CARMIL1: variants seen among roughly 807,000 people sequenced by gnomAD.
CARMIL1 encodes the protein capping protein regulator and myosin 1 linker 1, also known as F-actin-uncapping protein LRRC16A.
CARMIL1 carries 90 observed loss-of-function variants against 177.1 expected under a neutral mutation model. That is an observed-to-expected ratio of 0.51 (90% confidence interval 0.43 to 0.61). CARMIL1 has a LOEUF of 0.61. CARMIL1 is among the 20% of genes least tolerant of loss of function. CARMIL1 has a pLI of 0.00. For synonymous variants in CARMIL1, 577 were observed against 606.2 expected (o/e 0.95, Z 0.71); for missense variants, 1,380 against 1,667.0 (o/e 0.83, Z 3.00).
chr6:25,287,103 GA>G (rs1781573876), intron 2 of CARMIL1, among the ~76,000 whole-genome samples: 1 of 152,222 alleles, frequency 6.6e-6, no homozygotes, highest in African/African-American at 2.4e-5. Context: ...AGAACAAGAA[GA>G]TGTATGAAGT....
At chr6:25,349,046 G>A (rs1269936899) in intron 2 of CARMIL1, among the ~76,000 whole-genome samples, 2 of 152,182 alleles carry the variant, frequency 1.3e-5, no homozygotes, top group Non-Finnish European at 2.9e-5. Flanking sequence ...ACAGTAATTT[G>A]TATTAATTCC....
At chr6:25,462,288 G>A (rs1011239162) in intron 8 of CARMIL1, among the ~76,000 whole-genome samples, 3 of 151,972 alleles carry the variant, frequency 2.0e-5, no homozygotes, top group African/African-American at 7.3e-5. Context: ...TATAATATGT[G>A]TCTCATCCCA....
chr6:25,606,302 T>A (rs774176342), intron 35 of CARMIL1, 29 bp downstream of exon 35: 2 of 1,601,418 alleles, frequency 1.2e-6, no homozygotes, highest in Non-Finnish European at 1.7e-6. Flanking sequence ...GGGAGTTGCA[T>A]TGTGACCAGG....
At position 25,482,254 on chromosome 6, in the gene CARMIL1, C is replaced by T. The variant is rs1243242520; in HGVS notation, c.875-3C>T. Reference sequence around the variant, plus strand: ...TTCTAATCGCTTCTTTTTCCTTTCTCAGGTGTGTCCTCTTTAAGTATTCAA... The same window carrying T: ...TTCTAATCGCTTCTTTTTCCTTTCTTAGGTGTGTCCTCTTTAAGTATTCAA... On this transcript the variant is annotated splice_polypyrimidine_tract_variant and splice_region_variant and intron_variant, in intron 11 of 36. Transcript: ENST00000329474. 6 of 1,508,888 alleles carry T rather than the reference C, an allele frequency of 4.0e-6. No individual in the cohort carries two copies. The African/African-American group carries it at 4.2e-5, about 11-fold the overall frequency. The allele number at this position is 1,508,888 out of a possible 1,614,324, so 93.5% of individuals were successfully genotyped here.
At chr6:25,343,677 G>A (rs2150333381) in intron 2 of CARMIL1, among the ~76,000 whole-genome samples, 1 of 152,176 alleles carries the variant, frequency 6.6e-6, no homozygotes, top group East Asian at 1.9e-4. Context: ...GGGAACTCAT[G>A]AAGCCCCTTC....
chr6:25,339,137 T>C (rs890208201), intron 2 of CARMIL1, among the ~76,000 whole-genome samples: 1 of 152,218 alleles, frequency 6.6e-6, no homozygotes, highest in South Asian at 2.1e-4. Flanking sequence ...TTGTTACCTG[T>C]ATTATGGACA....
At chr6:25,465,697 T>C (rs1352522321) in intron 8 of CARMIL1, 176 bp from the exon 9 acceptor site, 2 of 571,258 alleles carry the variant, frequency 3.5e-6, no homozygotes, top group Non-Finnish European at 6.2e-6. Context: ...CTTCAACTTT[T>C]GGGAACTTTG....
intron 2 of CARMIL1, among the ~76,000 whole-genome samples, chr6:25,356,937 A>C (rs1335364408): frequency 6.6e-6 from 1 of 152,180 alleles, no homozygotes; most frequent in Non-Finnish European, 1.5e-5. Flanking sequence ...CAGAACCCTT[A>C]AACGGCAGCC....
chr6:25,405,004 G>A (rs1486232693), intron 2 of CARMIL1, among the ~76,000 whole-genome samples: 1 of 151,364 alleles, frequency 6.6e-6, no homozygotes, highest in African/African-American at 2.4e-5. Flanking sequence ...TGTAGCAGCA[G>A]CAGTGTTTAT....
intron 24 of CARMIL1, among the ~76,000 whole-genome samples, chr6:25,534,289 C>T (rs543933547): frequency 4.6e-5 from 7 of 152,024 alleles, no homozygotes; most frequent in South Asian, 4.2e-4. Flanking sequence ...GGGGAAATGA[C>T]GCTCTGTGCC....
chr6:25,594,635 C>G (rs571070246), intron 32 of CARMIL1, 108 bp downstream of exon 32: 1 of 670,080 alleles, frequency 1.5e-6, no homozygotes, highest in African/African-American at 1.8e-5. Context: ...ATGGAAATTA[C>G]TATTCTGACA....
chr6:25,579,024 A>G (rs889377116), intron 29 of CARMIL1, among the ~76,000 whole-genome samples: 15 of 151,944 alleles, frequency 9.9e-5, no homozygotes, highest in African/African-American at 3.1e-4. Context: ...TGAATGACCT[A>G]TTCACAGATG....
intron 21 of CARMIL1, among the ~76,000 whole-genome samples, chr6:25,516,273 C>A (rs1210930546): frequency 6.8e-6 from 1 of 146,776 alleles, no homozygotes; most frequent in Admixed American, 6.7e-5. Flanking sequence ...ACAAGGGGTA[C>A]AAAAGGTCTG....
At position 25,540,020 on chromosome 6, in the gene CARMIL1, A is replaced by T. The variant is rs768526598; in HGVS notation, c.2270A>T (p.Gln757Leu). The T allele has an allele frequency of 1.2e-6, 2 of 1,609,654 alleles. No individual in the cohort carries two copies. The highest frequency in any genetic ancestry group is 1.7e-5 in the Admixed American group (1 of 59,434). ...AGTGGCTTACTATCCAGTCCAATTC[A>T]GGAGACCCTGGAATCAATGGCTGGA... is the stretch of plus-strand genomic sequence containing the variant. ...GASGLLSSPI[Q>L]ETLESMAGEV... Residue 757 changes from glutamine (Q) to leucine (L), a missense_variant, in exon 26 of 37, where the codon CAG (glutamine) becomes CTG (leucine). Transcript: ENST00000329474.
In CARMIL1 at chr6:25,482,545, CAG is replaced by C. The variant is rs1802220749; in HGVS notation, c.961+207_961+208del. Among the ~76,000 whole-genome samples the C allele has an allele frequency of 3.3e-5, 5 of 152,264 alleles. 1 individual carries two copies. Among genetic ancestry groups the C allele is most frequent in the African/African-American group, 1.2e-4 (5 of 41,560 alleles). The stretch of plus-strand genomic sequence containing the variant: ...GCTCTGCAGTGAAGTGCTGTCAGAG[CAG>C]AGAGTAATTTTGACATGTACATGCA... On this transcript the variant is annotated intron_variant, in intron 12 of 36. Coordinates refer to ENST00000329474, the MANE Select transcript of CARMIL1 (RefSeq NM_017640.6).
chr6:25,538,372 G>T, intron 25 of CARMIL1, among the ~76,000 whole-genome samples: 1 of 152,224 alleles, frequency 6.6e-6, no homozygotes, highest in East Asian at 1.9e-4. Flanking sequence ...TGACTTAGTA[G>T]AGTAAGGACT....
chr6:25,368,786 T>C (rs891962645), intron 2 of CARMIL1, among the ~76,000 whole-genome samples: 2 of 152,222 alleles, frequency 1.3e-5, no homozygotes, highest in Non-Finnish European at 2.9e-5. Context: ...CTTTATATAT[T>C]TTAATGTGAT....
intron 2 of CARMIL1, among the ~76,000 whole-genome samples, chr6:25,336,493 T>C (rs1260615552): frequency 1.3e-5 from 2 of 152,244 alleles, no homozygotes; most frequent in Non-Finnish European, 1.5e-5. Flanking sequence ...CCTAGCTGTG[T>C]GACGTTGGAC....
At chr6:25,463,443 C>T (rs1055300218) in intron 8 of CARMIL1, among the ~76,000 whole-genome samples, 9 of 152,126 alleles carry the variant, frequency 5.9e-5, no homozygotes, top group African/African-American at 2.2e-4. Flanking sequence ...ATTCATGATT[C>T]CGTAGAGTGA....
Sources: gnomAD v4.1 joint callset for allele counts (sites outside exome capture counted in the v4.1 genomes callset) on GRCh38, gnomAD v4.1.1 for gene constraint, MANE v1.5 for transcripts, NCBI Gene and HGNC (gene_info 2026-07-23, HGNC 2026-07-21) for gene names.